The following TTC28 variants were observed in gnomAD, a reference collection of about 807,000 sequenced individuals.
TTC28 encodes tetratricopeptide repeat protein 28.
Under a neutral mutation model 198.0 loss-of-function variants are expected in TTC28, and 61 were observed. That is an observed-to-expected ratio of 0.31 (90% confidence interval 0.25 to 0.38). The LOEUF is 0.38. Among genes scored for constraint, TTC28 ranks in the 10% least tolerant of loss-of-function variants. The pLI, the probability that TTC28 is intolerant of heterozygous loss-of-function variation, is 1.00. For synonymous variants in TTC28, 1,171 were observed against 1,297.8 expected (o/e 0.90, Z 2.10); for missense variants, 2,678 against 3,164.0 (o/e 0.85, Z 3.69).
chr22:28,211,350 G>C (rs1187975309), intron 5 of TTC28, among the ~76,000 whole-genome samples: 7 of 152,154 alleles, frequency 4.6e-5, no homozygotes, highest in Non-Finnish European at 7.3e-5. Flanking sequence ...ATTGGATAAA[G>C]AGTCAAGACC....
At chr22:28,166,432 C>G (rs1371332727) in intron 5 of TTC28, among the ~76,000 whole-genome samples, 1 of 152,224 alleles carries the variant, frequency 6.6e-6, no homozygotes, top group Non-Finnish European at 1.5e-5. Context: ...AAGTAAAGCA[C>G]TCCTCAGCAA....
At chr22:28,103,256 A>G (rs149442369) in intron 8 of TTC28, among the ~76,000 whole-genome samples, 1 of 152,204 alleles carries the variant, frequency 6.6e-6, no homozygotes, top group Non-Finnish European at 1.5e-5. Context: ...GTTCCAGGAA[A>G]GTCACCAAAT....
intron 22 of TTC28, 59 bp from the exon 23 acceptor site, chr22:27,983,910 T>C: frequency 6.7e-7 from 1 of 1,482,460 alleles, no homozygotes; most frequent in Non-Finnish European, 9.0e-7. Flanking sequence ...TTTTGATTTT[T>C]CTTTCAAAAT....
At chr22:28,411,746 G>A (rs1294943539) in intron 2 of TTC28, among the ~76,000 whole-genome samples, 2 of 152,158 alleles carry the variant, frequency 1.3e-5, no homozygotes, top group East Asian at 3.8e-4. Flanking sequence ...ATACCTAGCA[G>A]TGTATAAGGA....
chr22:28,608,619 G>T (rs2050770956), intron 2 of TTC28, among the ~76,000 whole-genome samples: 1 of 152,134 alleles, frequency 6.6e-6, no homozygotes, highest in Non-Finnish European at 1.5e-5. Flanking sequence ...GCATTCCCAA[G>T]AAGGACCTAA....
chr22:28,083,214 T>C (rs1941430545), intron 12 of TTC28, among the ~76,000 whole-genome samples: 1 of 152,114 alleles, frequency 6.6e-6, no homozygotes, highest in African/African-American at 2.4e-5. Flanking sequence ...CAGATATAGA[T>C]GTTCATTGAC....
intron 5 of TTC28, among the ~76,000 whole-genome samples, chr22:28,215,775 T>C (rs1189349732): frequency 1.3e-5 from 2 of 152,160 alleles, no homozygotes; most frequent in Non-Finnish European, 2.9e-5. Flanking sequence ...ATGGTTACTA[T>C]AACAATCAAA....
rs938125901 is a variant in TTC28 at position 27,980,512 on chromosome 22, C to A, written c.*1709G>T. 2.0e-5 allele frequency: 3 copies of A among 152,238 alleles called. No individual in the cohort carries two copies. Among genetic ancestry groups the A allele is most frequent in the Non-Finnish European group, 4.4e-5 (3 of 68,048 alleles). 9.4% of individuals were successfully genotyped at this position (152,238 alleles called of 1,614,324 possible). A position where few individuals can be genotyped will look rare whatever the true frequency, so the allele number is the denominator to read the frequency against. On this transcript the variant is annotated 3_prime_UTR_variant, in exon 23 of 23. Coordinates refer to ENST00000397906, the MANE Select transcript of TTC28 (RefSeq NM_001145418.2). The stretch of plus-strand genomic sequence containing the variant: ...CTTTTCAGAGGAGTACACTGAGGAA[C>A]AGGTGAGATTGTCAGTGTATGCGCA...
At chr22:28,042,743 G>A (rs1381801339) in intron 12 of TTC28, among the ~76,000 whole-genome samples, 1 of 151,674 alleles carries the variant, frequency 6.6e-6, no homozygotes, top group Non-Finnish European at 1.5e-5. Flanking sequence ...AAAGAAAAGA[G>A]CCTGGGCTTC....
chr22:28,192,451 C>A (rs1021473561), intron 5 of TTC28, among the ~76,000 whole-genome samples: 4 of 152,104 alleles, frequency 2.6e-5, no homozygotes, highest in African/African-American at 9.7e-5. Flanking sequence ...ATGACTTTGA[C>A]GAGTTGAGAG....
At chr22:28,098,123 A>G (rs1303938736) in intron 10 of TTC28, among the ~76,000 whole-genome samples, 1 of 152,198 alleles carries the variant, frequency 6.6e-6, no homozygotes, top group Non-Finnish European at 1.5e-5. Context: ...GCCCGGGTGA[A>G]AGAAGATGCA....
In TTC28 at chr22:28,297,844, C is replaced by G; in HGVS notation, c.538G>C (p.Glu180Gln). The change falls in exon 4 of 23, where the codon GAG becomes CAG. Residue 180 changes from glutamate to glutamine, a missense_variant. By Grantham distance (29) the Glu-to-Gln change is conservative (BLOSUM62 2). This residue lies in a region of TTC28 where 176 missense variants were observed against 197.9 expected (regional missense o/e 0.89). Transcript: ENST00000397906. The part of the protein sequence containing the change: ...AMKSPMRDSL[E>Q]PTYQQLQKMK... ...TTCTGAAGCTGCTGATAAGTGGGCT[C>G]GAGGGAGTCTGAAAATAAACAACAA... is the stretch of plus-strand genomic sequence containing the variant. 6.4e-7 allele frequency: 1 copy of G among 1,550,708 alleles called. No individual in the cohort carries two copies.
intron 2 of TTC28, among the ~76,000 whole-genome samples, chr22:28,380,980 C>G (rs1260995973): frequency 6.6e-6 from 1 of 151,948 alleles, no homozygotes; most frequent in Non-Finnish European, 1.5e-5. Flanking sequence ...TTTTGCCTTA[C>G]CTACTATGAA....
chr22:27,992,478 G>A (rs888106178), intron 19 of TTC28, 109 bp downstream of exon 19: 5 of 1,108,942 alleles, frequency 4.5e-6, no homozygotes, highest in Non-Finnish European at 6.4e-6. Flanking sequence ...AATCACAAAG[G>A]CGGTGAGACT....
chr22:28,244,735 C>T lies in TTC28; in HGVS notation c.933+51463G>A, dbSNP rs541510552. On this transcript the variant is annotated intron_variant, in intron 5 of 22. Coordinates refer to ENST00000397906, the MANE Select transcript of TTC28 (RefSeq NM_001145418.2). ...AATGTTTTTAATTCATGACAAATTACATCTAAATTTTCTTGCTCATGTTCA... is the reference window on the plus strand; with the variant it reads ...AATGTTTTTAATTCATGACAAATTATATCTAAATTTTCTTGCTCATGTTCA... Among the ~76,000 whole-genome samples, 24 of 152,314 alleles carry T rather than the reference C, an allele frequency of 1.6e-4. No homozygotes were observed. In the South Asian group the frequency reaches 5.0e-3, roughly 32 times the overall value.
intron 12 of TTC28, among the ~76,000 whole-genome samples, chr22:28,086,315 C>T (rs1351512755): frequency 2.6e-5 from 4 of 152,156 alleles, no homozygotes; most frequent in African/African-American, 7.2e-5. Context: ...CAAACTGTCT[C>T]TCAGACCACA....
intron 3 of TTC28, among the ~76,000 whole-genome samples, chr22:28,304,178 A>G (rs1027519548): frequency 1.3e-4 from 20 of 152,132 alleles, no homozygotes; most frequent in Middle Eastern, 3.4e-3. Context: ...CCAGCTACTC[A>G]GGAGGCTGAG....
intron 12 of TTC28, among the ~76,000 whole-genome samples, chr22:28,041,912 G>A (rs1266484765): frequency 6.6e-6 from 1 of 151,520 alleles, no homozygotes; most frequent in Non-Finnish European, 1.5e-5. Flanking sequence ...ATCGAAAAGT[G>A]GGCAAAAGAT....
chr22:27,991,330 A>G (rs936225239), intron 19 of TTC28, among the ~76,000 whole-genome samples: 1 of 152,216 alleles, frequency 6.6e-6, no homozygotes, highest in Non-Finnish European at 1.5e-5. Flanking sequence ...GATTTTGTAG[A>G]ACACAGACCT....
Sources: gnomAD v4.1 joint callset for allele counts (sites outside exome capture counted in the v4.1 genomes callset) on GRCh38, gnomAD v4.1.1 for gene constraint, gnomAD v4.1.1 regional missense constraint, MANE v1.5 for transcripts, NCBI Gene and HGNC (gene_info 2026-07-23, HGNC 2026-07-21) for gene names.